Variants in GALNT14 observed in about 807,000 individuals in gnomAD.
GALNT14 encodes polypeptide N-acetylgalactosaminyltransferase 14.
A neutral mutation model predicts 77.5 loss-of-function variants in GALNT14; 60 were observed. The ratio of observed to expected loss-of-function variants is 0.77; its 90% CI spans 0.63 to 0.96. The LOEUF is 0.96. GALNT14 is among the 40% of genes least tolerant of loss of function. The probability of loss-of-function intolerance (pLI) is 0.00; values close to 1 mark genes in which losing one functional copy is unlikely to be tolerated. For synonymous variants in GALNT14, 280 were observed against 281.7 expected, an observed-to-expected ratio of 0.99 and a Z score of 0.06; for missense variants, 710 against 731.0, an observed-to-expected ratio of 0.97 and a Z score of 0.33.
rs555088173 is a variant in GALNT14, at chr2:31,039,957, G to A, written c.130-46950C>T. On this transcript the variant is annotated intron_variant, in intron 1 of 14. Transcript: ENST00000349752. ...TGGATTGTTTCTCCCTTTCTAATAA[G>A]AGAGTCATGAAACCACATCTCCCTT... 2.0e-5 allele frequency among the ~76,000 whole-genome samples: 3 copies of A among 152,288 alleles called. No homozygotes were observed. In the South Asian group the frequency reaches 6.2e-4, roughly 32 times the overall value.
intron 1 of GALNT14, chr2:31,129,679 G>T (rs1678882458): frequency 4.1e-6 from 4 of 985,088 alleles, no homozygotes; most frequent in Non-Finnish European, 3.6e-6. Context: ...TGCGAGAGAT[G>T]GGCACATAAA....
At chr2:30,946,414 G>A (rs1193392974) in intron 6 of GALNT14, among the ~76,000 whole-genome samples, 1 of 152,160 alleles carries the variant, frequency 6.6e-6, no homozygotes, top group African/African-American at 2.4e-5. Flanking sequence ...TAGCGAGTAT[G>A]TTCTTCTTGT....
chr2:31,069,274 G>A (rs1480134621), intron 1 of GALNT14, among the ~76,000 whole-genome samples: 2 of 152,198 alleles, frequency 1.3e-5, no homozygotes, highest in Non-Finnish European at 2.9e-5. Flanking sequence ...AAACATTCTA[G>A]TTATTTACCA....
Position 31,072,739 on chromosome 2 carries a change from A to G in GALNT14, c.129+65219T>C, listed in dbSNP as rs150374181. On this transcript the variant is annotated intron_variant, in intron 1 of 14. Transcript: ENST00000349752. ...GAGGTAAGAGATGAGAACTATGCAG[A>G]CTAGGGCACCAAGCAGAGATGTGCC... Among the ~76,000 whole-genome samples the G allele has an allele frequency of 4.9e-3, 752 of 152,224 alleles. 5 individuals are homozygous for G. The highest frequency in any genetic ancestry group is 0.024 in the Middle Eastern group (7 of 294).
At chr2:30,946,059 G>A (rs1312763638) in intron 6 of GALNT14, among the ~76,000 whole-genome samples, 189 bp from the exon 7 acceptor site, 1 of 152,110 alleles carries the variant, frequency 6.6e-6, no homozygotes, top group Non-Finnish European at 1.5e-5. Context: ...CTCCAGTTCT[G>A]ATGCCTAAAA....
chr2:30,988,453 G>T (rs1669457747), intron 2 of GALNT14, among the ~76,000 whole-genome samples: 1 of 152,212 alleles, frequency 6.6e-6, no homozygotes, highest in Non-Finnish European at 1.5e-5. Flanking sequence ...GGCAGGACAT[G>T]GAGCCTGTGA....
intron 13 of GALNT14, 96 bp downstream of exon 13, chr2:30,924,023 C>A: frequency 7.3e-7 from 1 of 1,361,428 alleles, no homozygotes; most frequent in Admixed American, 1.7e-5. Context: ...AAATGGGCAT[C>A]TGATGTCATG....
intron 1 of GALNT14, among the ~76,000 whole-genome samples, chr2:31,134,055 C>T (rs1327611588): frequency 6.6e-6 from 1 of 152,170 alleles, no homozygotes; most frequent in Admixed American, 6.5e-5. Context: ...TTCATCCCGC[C>T]CTCTTTGGAG....
chr2:31,011,413 G>T (rs969195877), intron 1 of GALNT14, among the ~76,000 whole-genome samples: 31 of 152,154 alleles, frequency 2.0e-4, no homozygotes, highest in Admixed American at 3.9e-4. Context: ...AACCATTTCT[G>T]CTCACTGGGT....
chr2:30,987,621 C>T (rs1669380769), intron 2 of GALNT14, among the ~76,000 whole-genome samples: 2 of 152,164 alleles, frequency 1.3e-5, no homozygotes, highest in African/African-American at 4.8e-5. Context: ...GCATGGCTTG[C>T]TTGTAAGGGG....
rs891323213 is a variant in GALNT14 at position 31,108,739 on chromosome 2, A to G, written c.129+29219T>C. ...AATGAGGACTATATAAGCATTAATC[A>G]TATGCATGCTCTGTGATGGCTGTCA... On this transcript the variant is annotated intron_variant, in intron 1 of 14. Coordinates refer to ENST00000349752, the MANE Select transcript of GALNT14 (RefSeq NM_024572.4). Among the ~76,000 whole-genome samples the G allele has an allele frequency of 2.4e-4, 36 of 152,222 alleles. 1 individual carries two copies. Among genetic ancestry groups the G allele is most frequent in the Admixed American group, 5.9e-4 (9 of 15,288 alleles).
At chr2:30,936,076 T>C (rs953516426) in intron 9 of GALNT14, among the ~76,000 whole-genome samples, 3 of 152,302 alleles carry the variant, frequency 2.0e-5, no homozygotes, top group African/African-American at 7.2e-5. Context: ...ATTCCAGGCA[T>C]GCAGATGTGT....
At chr2:31,115,664 G>A (rs1678068395) in intron 1 of GALNT14, among the ~76,000 whole-genome samples, 1 of 152,182 alleles carries the variant, frequency 6.6e-6, no homozygotes, top group Non-Finnish European at 1.5e-5. Flanking sequence ...CAGTAATTAG[G>A]GGTAGTGGAA....
intron 1 of GALNT14, among the ~76,000 whole-genome samples, chr2:31,023,975 T>C (rs965885943): frequency 2.6e-5 from 4 of 152,060 alleles, no homozygotes; most frequent in African/African-American, 9.7e-5. Flanking sequence ...CACTTTAAGG[T>C]CTAAAATATA....
chr2:31,118,183 T>A (rs1446503906), intron 1 of GALNT14, among the ~76,000 whole-genome samples: 1 of 152,184 alleles, frequency 6.6e-6, no homozygotes, highest in Non-Finnish European at 1.5e-5. Context: ...AACTAGATAA[T>A]TTCACAGCTG....
intron 1 of GALNT14, among the ~76,000 whole-genome samples, chr2:31,028,956 TGAA>T (rs35656085): frequency 2.8e-4 from 42 of 152,284 alleles, no homozygotes; most frequent in South Asian, 1.9e-3. Context: ...CTTTCTAGAA[TGAA>T]GAATGAGGGC....
At chr2:31,105,147 C>G (rs1261165688) in intron 1 of GALNT14, among the ~76,000 whole-genome samples, 2 of 152,172 alleles carry the variant, frequency 1.3e-5, no homozygotes, top group African/African-American at 4.8e-5. Context: ...GTCTATGTAT[C>G]TATTCATTCA....
intron 1 of GALNT14, among the ~76,000 whole-genome samples, chr2:31,115,853 T>C (rs970739564): frequency 3.9e-5 from 6 of 152,088 alleles, no homozygotes; most frequent in African/African-American, 1.4e-4. Context: ...AGACCCTATT[T>C]TTAAAATAAA....
chr2:31,114,858 T>C, intron 1 of GALNT14: 1 of 715,804 alleles, frequency 1.4e-6, no homozygotes, highest in Non-Finnish European at 2.6e-6. Context: ...GAAAATGTCA[T>C]GAGCTCCAAA....
Sources: gnomAD v4.1 joint callset for allele counts (sites outside exome capture counted in the v4.1 genomes callset) on GRCh38, gnomAD v4.1.1 for gene constraint, MANE v1.5 for transcripts, NCBI Gene and HGNC (gene_info 2026-07-23, HGNC 2026-07-21) for gene names.